The following LGSN variants were observed in gnomAD, a reference collection of about 807,000 sequenced individuals.
LGSN encodes lengsin.
LGSN carries 21 observed loss-of-function variants against 19.5 expected under a neutral mutation model. The ratio of observed to expected loss-of-function variants is 1.07; its 90% confidence interval spans 0.76 to 1.55. The LOEUF is 1.55. LGSN is among the 40% of genes most tolerant of loss of function. The pLI is 0.00. For synonymous variants in LGSN, 257 were observed against 215.6 expected, an observed-to-expected ratio of 1.19 and a Z score of -1.68; for missense variants, 673 against 608.5, an observed-to-expected ratio of 1.11 and a Z score of -1.12.
the LGSN span, among the ~76,000 whole-genome samples, chr6:63,352,524 G>C: frequency 6.6e-6 from 1 of 152,000 alleles, no homozygotes; most frequent in Admixed American, 6.6e-5. Flanking sequence ...CACCAGGTGT[G>C]GTGGTACATG....
the LGSN span, among the ~76,000 whole-genome samples, chr6:63,540,001 T>C: frequency 6.6e-6 from 1 of 152,158 alleles, no homozygotes; most frequent in Non-Finnish European, 1.5e-5. Flanking sequence ...TTCATGACTG[T>C]TGGTGGACAC....
At chr6:63,404,782 CT>C in the LGSN span, among the ~76,000 whole-genome samples, 1 of 151,538 alleles carries the variant, frequency 6.6e-6, no homozygotes, top group Non-Finnish European at 1.5e-5. Flanking sequence ...GATTAATATA[CT>C]AAAAAAAAGT....
chr6:63,292,657 T>G (rs1025475219), intron 2 of LGSN, among the ~76,000 whole-genome samples: 6 of 152,186 alleles, frequency 3.9e-5, no homozygotes, highest in Non-Finnish European at 1.5e-5. Context: ...GTTGGCAATA[T>G]TCCTCACGTT....
intron 1 of LGSN, among the ~76,000 whole-genome samples, chr6:63,302,249 T>C (rs937900924): frequency 4.6e-5 from 7 of 152,230 alleles, no homozygotes; most frequent in Non-Finnish European, 8.8e-5. Flanking sequence ...TGTTTATTTA[T>C]GTTAAATTAT....
At chr6:63,373,064 A>G in the LGSN span, among the ~76,000 whole-genome samples, 2 of 152,202 alleles carry the variant, frequency 1.3e-5, no homozygotes, top group African/African-American at 4.8e-5. Flanking sequence ...AAAATAATCT[A>G]TCAAAGAACC....
chr6:63,501,443 A>C, the LGSN span, among the ~76,000 whole-genome samples: 2 of 152,128 alleles, frequency 1.3e-5, no homozygotes, highest in Non-Finnish European at 2.9e-5. Context: ...AGTGATGCAT[A>C]GAGCTATGGC....
At chr6:63,303,828 T>C (rs1289323207) in intron 1 of LGSN, among the ~76,000 whole-genome samples, 1 of 152,168 alleles carries the variant, frequency 6.6e-6, no homozygotes, top group Non-Finnish European at 1.5e-5. Flanking sequence ...ACCTTGAACC[T>C]TGAGTCTGGC....
chr6:63,572,726 AG>A, the LGSN span: 1 of 398,344 alleles, frequency 2.5e-6, no homozygotes, highest in Non-Finnish European at 4.4e-6. Flanking sequence ...TCCTGTGAGT[AG>A]CCGTCGCATC....
At chr6:63,537,200 G>T in the LGSN span, among the ~76,000 whole-genome samples, 2 of 152,144 alleles carry the variant, frequency 1.3e-5, no homozygotes, top group Non-Finnish European at 2.9e-5. Context: ...GACAGTAGAA[G>T]TATTTCCTGG....
the LGSN span, among the ~76,000 whole-genome samples, chr6:63,408,062 C>T: frequency 1.3e-5 from 2 of 151,716 alleles, no homozygotes; most frequent in Admixed American, 6.6e-5. Context: ...ATTCCATGCT[C>T]ATGGGTAGGA....
At chr6:63,378,747 C>T in the LGSN span, among the ~76,000 whole-genome samples, 2 of 152,158 alleles carry the variant, frequency 1.3e-5, no homozygotes, top group Non-Finnish European at 2.9e-5. Flanking sequence ...CAACCCCACC[C>T]CATGCTGACA....
At chr6:63,412,570 G>GAAA in the LGSN span, among the ~76,000 whole-genome samples, 637 of 111,226 alleles carry the variant, frequency 5.7e-3, 3 homozygotes, top group South Asian at 0.014. Context: ...AAGAAAGAAA[G>GAAA]GAAGGAAGGA....
chr6:63,321,302 A>G (rs555392965), upstream of LGSN, among the ~76,000 whole-genome samples: 32 of 152,290 alleles, frequency 2.1e-4, no homozygotes, highest in Non-Finnish European at 4.1e-4. Context: ...CCATTGAGCT[A>G]TGGAAAAAAA....
At chr6:63,526,411 T>C in the LGSN span, among the ~76,000 whole-genome samples, 1 of 152,060 alleles carries the variant, frequency 6.6e-6, no homozygotes, top group Non-Finnish European at 1.5e-5. Flanking sequence ...TTATCAAAAA[T>C]GAAGAATTCT....
chr6:63,301,322 C>A (rs909219298), intron 1 of LGSN, among the ~76,000 whole-genome samples: 1 of 151,716 alleles, frequency 6.6e-6, no homozygotes, highest in Non-Finnish European at 1.5e-5. Flanking sequence ...ATAAATAATT[C>A]TATATGTAAA....
chr6:63,500,402 A>T, the LGSN span, among the ~76,000 whole-genome samples: 1 of 152,128 alleles, frequency 6.6e-6, no homozygotes, highest in Non-Finnish European at 1.5e-5. Flanking sequence ...GTGACCTCTG[A>T]CAGGTTTATT....
At position 63,285,754 on chromosome 6, in the gene LGSN, C is replaced by A; in HGVS notation, c.164-1G>T. 1 of 1,612,618 alleles carries A rather than the reference C, an allele frequency of 6.2e-7. No homozygotes were observed. Among genetic ancestry groups the A allele is most frequent in the Non-Finnish European group, 8.5e-7 (1 of 1,179,278 alleles). On this transcript the variant is annotated splice_acceptor_variant, in intron 2 of 3. Transcript: ENST00000370657. LOFTEE classifies it high-confidence loss of function. ...ATTTGACTGCTGTCCCTCATGCAAT[C>A]TGCAAAATAAAAAAATAGGTTCTAA...
At chr6:63,297,185 C>T (rs1768006047) in intron 1 of LGSN, among the ~76,000 whole-genome samples, 1 of 151,676 alleles carries the variant, frequency 6.6e-6, no homozygotes, top group African/African-American at 2.4e-5. Context: ...ACTAAAAATA[C>T]AAAAATTAGC....
chr6:63,428,231 G>A, the LGSN span, among the ~76,000 whole-genome samples: 1 of 152,090 alleles, frequency 6.6e-6, no homozygotes, highest in South Asian at 2.1e-4. Flanking sequence ...AATGCTGCTT[G>A]TGTTCCAGTT....
Sources: allele counts gnomAD v4.1 joint callset (sites outside exome capture counted in the v4.1 genomes callset), GRCh38; gene constraint gnomAD v4.1.1; transcripts MANE v1.5; gene names NCBI Gene and HGNC (gene_info 2026-07-23, HGNC 2026-07-21).